RGR: variants seen among roughly 807,000 people sequenced by gnomAD.
RGR encodes RPE-retinal G protein-coupled receptor.
In RGR, 30 loss-of-function variants were observed where a neutral mutation model predicts 28.6. The observed-to-expected ratio is 1.05, with a 90% confidence interval of 0.78 to 1.42. RGR has a LOEUF of 1.42. Ranked by LOEUF, RGR falls within the 40% of genes most tolerant of loss-of-function variation. The pLI, the probability that RGR is intolerant of heterozygous loss-of-function variation, is 0.00. For synonymous variants in RGR, 180 were observed against 156.4 expected, an observed-to-expected ratio of 1.15 and a Z score of -1.13; for missense variants, 404 against 375.6, an observed-to-expected ratio of 1.08 and a Z score of -0.62.
Position 84,247,589 on chromosome 10 carries a change from A to C in RGR, c.80-2A>C. ...AATGCCAGCCCCCACCCTTCCTTTCAGCTCTCTCCGGTCTCAGCCTCAATA... is the reference window on the plus strand; with the variant it reads ...AATGCCAGCCCCCACCCTTCCTTTCCGCTCTCTCCGGTCTCAGCCTCAATA... On this transcript the variant is annotated splice_acceptor_variant, in intron 1 of 6. Coordinates refer to ENST00000652092, the MANE Select transcript of RGR (RefSeq NM_001012720.2). LOFTEE classifies it high-confidence loss of function. 6.2e-7 allele frequency: 1 copy of C among 1,613,822 alleles called. No homozygotes were observed. The highest frequency in any genetic ancestry group is 1.1e-5 in the South Asian group (1 of 91,062).
chr10:84,249,166 G>T (rs1720939121), intron 3 of RGR, 123 bp downstream of exon 3: 33 of 1,404,688 alleles, frequency 2.3e-5, no homozygotes, highest in Non-Finnish European at 3.3e-5. Flanking sequence ...GTGTGGGTAG[G>T]TGTGAGTGTG....
chr10:84,254,494 C>G (rs1564550953), intron 5 of RGR, 51 bp downstream of exon 5: 1 of 1,436,468 alleles, frequency 7.0e-7, no homozygotes, highest in Non-Finnish European at 9.8e-7. Flanking sequence ...CAGCTCCAGG[C>G]TCTTGGTGTC....
chr10:84,249,258 G>A (rs1282781313), intron 3 of RGR, among the ~76,000 whole-genome samples: 1 of 152,176 alleles, frequency 6.6e-6, no homozygotes, highest in African/African-American at 2.4e-5. Context: ...TGCCATTACC[G>A]CAACCTTGGG....
chr10:84,256,016 TC>T (rs1842880217), intron 5 of RGR, among the ~76,000 whole-genome samples: 1 of 147,548 alleles, frequency 6.8e-6, no homozygotes, highest in African/African-American at 2.5e-5. Flanking sequence ...AGCTGCCGTG[TC>T]CAGCCTTTTT....
intron 3 of RGR, among the ~76,000 whole-genome samples, chr10:84,249,777 G>A (rs1263030478): frequency 1.3e-5 from 2 of 152,190 alleles, no homozygotes; most frequent in East Asian, 3.9e-4. Context: ...CTTCCATGAG[G>A]CTTCATGAAA....
rs1202677156 is a variant in RGR at position 84,249,940 on chromosome 10, C to A, written c.358+897C>A. On this transcript the variant is annotated intron_variant, in intron 3 of 6. Coordinates refer to ENST00000652092, the MANE Select transcript of RGR (RefSeq NM_001012720.2). ...TGTAAACACCTGCTACAAGCTCATT[C>A]TAAACAACATCTGGGAAATCACAGG... Among the ~76,000 whole-genome samples the A allele has an allele frequency of 2.0e-5, 3 of 152,278 alleles. No homozygotes were observed. The East Asian group carries it at 5.8e-4, about 29-fold the overall frequency.
At chr10:84,253,135 A>T (rs1842840522) in intron 4 of RGR, 125 bp downstream of exon 4, 1 of 1,140,730 alleles carries the variant, frequency 8.8e-7, no homozygotes, top group Admixed American at 2.3e-5. Context: ...GACAATCTCA[A>T]CTTCTTAATC....
intron 3 of RGR, 103 bp downstream of exon 3, chr10:84,249,146 G>C: frequency 6.6e-7 from 1 of 1,522,900 alleles, no homozygotes; most frequent in South Asian, 1.2e-5. Flanking sequence ...GTGTTTCCCA[G>C]TACAGGGAAG....
intron 1 of RGR, among the ~76,000 whole-genome samples, chr10:84,246,014 C>T (rs144160814): frequency 2.3e-3 from 345 of 152,284 alleles, no homozygotes; most frequent in African/African-American, 7.4e-3. Flanking sequence ...TTAGATTGGT[C>T]CTGAAGGCTC....
At chr10:84,249,550 A>G (rs542819895) in intron 3 of RGR, among the ~76,000 whole-genome samples, 2 of 152,290 alleles carry the variant, frequency 1.3e-5, no homozygotes, top group South Asian at 4.1e-4. Flanking sequence ...TGACCTCGTG[A>G]TCTACCCACC....
rs753384849 is a variant in RGR, at chr10:84,247,664, C to T, written c.153C>T (p.Cys51=). 1 of 1,614,210 alleles carries T rather than the reference C, an allele frequency of 6.2e-7. No homozygotes were observed. The highest frequency in any genetic ancestry group is 1.1e-5 in the South Asian group (1 of 91,090). ...AGACCCCGGAGCTGCGGACTCCCTG[C>T]CACCTACTGGTGCTGAGCTTGGCTC... ...FCKTPELRTP[C]HLLVLSLALA... The change falls in exon 2 of 7, where the codon TGC becomes TGT. Residue 51 remains cysteine (C), a synonymous_variant. Coordinates refer to ENST00000652092, the MANE Select transcript of RGR (RefSeq NM_001012720.2).
intron 5 of RGR, among the ~76,000 whole-genome samples, chr10:84,256,105 C>A (rs1292220597): frequency 1.3e-5 from 1 of 75,550 alleles, no homozygotes. Context: ...AGGTCTTACT[C>A]TGTTGCCCAG....
Position 84,247,746 on chromosome 10 carries a change from C to A in RGR, c.235C>A (p.Arg79=), listed in dbSNP as rs201335015. 25 of 1,614,140 alleles carry A rather than the reference C, an allele frequency of 1.5e-5. No homozygotes were observed. Among genetic ancestry groups the A allele is most frequent in the Non-Finnish European group, 2.1e-5 (25 of 1,180,012 alleles). ...CGTTGCAGCCACATCCAGCCTTCTCCGGTACCAGCCCCCTCCCCAGTCCAC... is the reference window on the plus strand; with the variant it reads ...CGTTGCAGCCACATCCAGCCTTCTCAGGTACCAGCCCCCTCCCCAGTCCAC... ...ALVAATSSLL[R]RWPYGSDGCQ... is the part of the protein sequence containing the mutation. Residue 79 remains arginine (R), a splice_region_variant and synonymous_variant, in exon 2 of 7, where the codon CGG becomes AGG. Coordinates refer to ENST00000652092, the MANE Select transcript of RGR (RefSeq NM_001012720.2).
chr10:84,246,680 G>C (rs112776893), intron 1 of RGR, among the ~76,000 whole-genome samples: 11 of 152,262 alleles, frequency 7.2e-5, no homozygotes, highest in Non-Finnish European at 1.6e-4. Context: ...ATTGTGCCTC[G>C]GTAAGCATAG....
chr10:84,251,968 A>T (rs1175635365), intron 3 of RGR, among the ~76,000 whole-genome samples: 2 of 152,204 alleles, frequency 1.3e-5, no homozygotes, highest in African/African-American at 4.8e-5. Flanking sequence ...ATCAAAACCC[A>T]TCTGGAGAAC....
intron 3 of RGR, among the ~76,000 whole-genome samples, 164 bp from the exon 4 acceptor site, chr10:84,252,693 C>A (rs1842833504): frequency 6.6e-6 from 1 of 152,186 alleles, no homozygotes; most frequent in Non-Finnish European, 1.5e-5. Context: ...AAACCTCCTT[C>A]TGGCAGGATG....
intron 5 of RGR, among the ~76,000 whole-genome samples, chr10:84,254,735 T>C (rs1340446983): frequency 6.6e-6 from 1 of 152,190 alleles, no homozygotes; most frequent in African/African-American, 2.4e-5. Flanking sequence ...TTTTGATTGA[T>C]AGGTGGGTTG....
rs766787073 is a variant in RGR at position 84,254,375 on chromosome 10, C to A, written c.562C>A (p.Pro188Thr). The part of the protein sequence containing the change: ...FTMSFFNFAM[P>T]LFITITSYSL... ...CATGTCCTTCTTCAACTTCGCCATGCCCCTCTTCATCACGATCACTTCCTA... is the reference window on the plus strand; with the variant it reads ...CATGTCCTTCTTCAACTTCGCCATGACCCTCTTCATCACGATCACTTCCTA... Residue 188 changes from proline to threonine, a missense_variant, in exon 5 of 7, where the codon CCC becomes ACC. Transcript: ENST00000652092. 6.2e-7 allele frequency: 1 copy of A among 1,614,176 alleles called. No individual in the cohort carries two copies. The highest frequency in any genetic ancestry group is 8.5e-7 in the Non-Finnish European group (1 of 1,180,030).
At chr10:84,256,227 C>G (rs111604356) in intron 5 of RGR, among the ~76,000 whole-genome samples, 1,527 of 151,602 alleles carry the variant, frequency 0.01, 30 homozygotes, top group African/African-American at 0.035. Flanking sequence ...TGCCACCACG[C>G]CTGGCTAATT....
Sources: allele counts gnomAD v4.1 joint callset (sites outside exome capture counted in the v4.1 genomes callset), GRCh38; gene constraint gnomAD v4.1.1; transcripts MANE v1.5; gene names NCBI Gene and HGNC (gene_info 2026-07-23, HGNC 2026-07-21).